CEP44: variants seen among roughly 807,000 people sequenced by gnomAD.
CEP44 encodes centrosomal protein of 44 kDa.
Under a neutral mutation model 46.7 loss-of-function variants are expected in CEP44, and 45 were observed. That is an observed-to-expected ratio of 0.96 (90% CI 0.76 to 1.24). The LOEUF (loss-of-function observed/expected upper bound fraction) is 1.24, where lower values mean the gene tolerates loss of function less well. Among genes scored for constraint, CEP44 ranks in the 50% most tolerant of loss-of-function variants. CEP44 has a pLI of 0.00. For missense variants in CEP44, 475 were observed against 459.7 expected, an observed-to-expected ratio of 1.03 and a Z score of -0.30; for synonymous variants, 142 against 146.0, an observed-to-expected ratio of 0.97 and a Z score of 0.20.
At chr4:174,320,603 G>C (rs1022559289), downstream of CEP44, among the ~76,000 whole-genome samples, 2 of 50,370 alleles carry the variant, frequency 4.0e-5, no homozygotes, top group South Asian at 5.8e-4. Flanking sequence ...GATGGTTTAC[G>C]CAAAAGGACT....
At position 174,297,319 on chromosome 4, in the gene CEP44, C is replaced by A. The variant is rs553094571; in HGVS notation, c.-147-647C>A. Among the ~76,000 whole-genome samples the A allele has an allele frequency of 2.0e-5, 3 of 151,394 alleles. No individual in the cohort carries two copies. The highest frequency in any genetic ancestry group is 7.3e-5 in the African/African-American group (3 of 41,218). On this transcript the variant is annotated intron_variant, in intron 1 of 11. Transcript: ENST00000503780. This position sits in a 1 kb window ranked among gnomAD's most constrained non-coding sequence, Gnocchi z 4.3. ...TCTCTATTTCCACCAAATTTTTCTTCTCTGCTTATTTTGTTTAAGGTATTT... is the reference window on the plus strand; with the variant it reads ...TCTCTATTTCCACCAAATTTTTCTTATCTGCTTATTTTGTTTAAGGTATTT...
chr4:174,320,684 C>CTGTGTGTGTGTGTGTGTGTGTGTA (rs34832692), downstream of CEP44, among the ~76,000 whole-genome samples: 1 of 147,530 alleles, frequency 6.8e-6, no homozygotes, highest in African/African-American at 2.5e-5. Flanking sequence ...TGAGTGTGCT[C>CTGTGTGTGTGTGTGTGTGTGTGTA]TGTGTGTGTG....
rs912819762 is a variant in CEP44, at chr4:174,309,880, C to T, written c.709C>T (p.Leu237=). ...AAATGTTAATCCTGAGATTACTGCA[C>T]TACAAACTATGCTTGCTGAATGCCA... is the stretch of plus-strand genomic sequence containing the variant. ...DVNVNPEITA[L]QTMLAECQEN... The change falls in exon 8 of 12, where the codon CTA becomes TTA. Residue 237 remains leucine, a synonymous_variant. Transcript: ENST00000503780. This position sits in a 1 kb window ranked among gnomAD's most constrained non-coding sequence, Gnocchi z 5.3. The T allele has an allele frequency of 1.9e-6, 3 of 1,610,948 alleles. No homozygotes were observed. Among genetic ancestry groups the T allele is most frequent in the Non-Finnish European group, 2.5e-6 (3 of 1,177,842 alleles).
intron 9 of CEP44, among the ~76,000 whole-genome samples, chr4:174,315,722 T>C (rs1359173573): frequency 6.6e-6 from 1 of 151,678 alleles, no homozygotes. Context: ...GCGCCTGTAG[T>C]CCCAGCTACT....
rs865806819 is a variant in CEP44, at chr4:174,295,034, C to T, written c.-147-2932C>T. ...GACGGCTGGCCAGGCGGGGGGCTGA[C>T]CCCCCCACCTCCCTCCCGGACGGGG... On this transcript the variant is annotated intron_variant, in intron 1 of 11. Transcript: ENST00000503780. Among the ~76,000 whole-genome samples the T allele has an allele frequency of 3.0e-4, 40 of 134,786 alleles. No individual in the cohort carries two copies. In the East Asian group the frequency reaches 7.2e-3, roughly 24 times the overall value. 88.4% of individuals were successfully genotyped at this position (134,786 alleles called of 152,430 possible). A position where few individuals can be genotyped will look rare whatever the true frequency, so the allele number is the denominator to read the frequency against.
downstream of CEP44, among the ~76,000 whole-genome samples, chr4:174,322,937 G>T (rs1742415486): frequency 6.6e-6 from 1 of 152,022 alleles, no homozygotes; most frequent in African/African-American, 2.4e-5. Flanking sequence ...ATATTTTTGA[G>T]CCTAAATGTG....
chr4:174,316,635 A>G, intron 11 of CEP44, 68 bp downstream of exon 11: 1 of 1,402,766 alleles, frequency 7.1e-7, no homozygotes, highest in East Asian at 2.4e-5. Context: ...TACAGTATAT[A>G]TAGAATGTGC....
In CEP44 at chr4:174,308,686, CAGA is replaced by C; in HGVS notation, c.510_512del (p.Lys171del). On this transcript the variant is annotated splice_acceptor_variant and coding_sequence_variant, in exon 7 of 12. Transcript: ENST00000503780. LOFTEE classifies it high-confidence loss of function. Reference sequence around the variant, plus strand: ...TGTTTCTTACATATTTTTCTCTATGCAGAAGAAAGCTGTGGTGATTCGTCACTT... The same window carrying C: ...TGTTTCTTACATATTTTTCTCTATGCAGAAAGCTGTGGTGATTCGTCACTT... 6.3e-7 allele frequency: 1 copy of C among 1,592,462 alleles called. No homozygotes were observed. The highest frequency in any genetic ancestry group is 8.6e-7 in the Non-Finnish European group (1 of 1,167,814).
In CEP44 at chr4:174,326,252, G is replaced by A. The variant is rs1742662018; in HGVS notation, c.1087-5230G>A. 6.6e-6 allele frequency among the ~76,000 whole-genome samples: 1 copy of A among 151,376 alleles called. No individual in the cohort carries two copies. The highest frequency in any genetic ancestry group is 6.6e-5 in the Admixed American group (1 of 15,132). On this transcript the variant is annotated intron_variant, in intron 8 of 8. Coordinates refer to the CEP44 transcript ENST00000426172. The surrounding 1 kb of genome is among the most constrained non-coding windows in gnomAD (Gnocchi z 4.8). ...TGTGTGTGTGTCTGTGTGTGTGTCT[G>A]TGTGTTTGCTCCAAGATTTGTAGTA...
In CEP44 at chr4:174,288,168, C is replaced by A. The variant is rs1737772022; in HGVS notation, c.-148+4225C>A. On this transcript the variant is annotated intron_variant, in intron 1 of 11. Coordinates refer to ENST00000503780, the MANE Select transcript of CEP44 (RefSeq NM_001040157.3). The surrounding 1 kb of genome is among the most constrained non-coding windows in gnomAD (Gnocchi z 4.6). The stretch of plus-strand genomic sequence containing the variant: ...GAAAGCTATAGACATTTAATGTATA[C>A]AGTTTCTGTTTGGAGATAAGTAGAT... 6.6e-6 allele frequency among the ~76,000 whole-genome samples: 1 copy of A among 152,128 alleles called. No individual in the cohort carries two copies. Among genetic ancestry groups the A allele is most frequent in the South Asian group, 2.1e-4 (1 of 4,830 alleles).
At chr4:174,304,973 T>G (rs1350197601) in intron 6 of CEP44, among the ~76,000 whole-genome samples, 1 of 152,206 alleles carries the variant, frequency 6.6e-6, no homozygotes, top group African/African-American at 2.4e-5. Context: ...AAAATATTAT[T>G]TATTAATATA....
chr4:174,312,662 C>G lies in CEP44; in HGVS notation c.961+1804C>G, dbSNP rs1482969754. On this transcript the variant is annotated intron_variant, in intron 9 of 11. Transcript: ENST00000503780. This position sits in a 1 kb window ranked among gnomAD's most constrained non-coding sequence, Gnocchi z 4.5. ...CTGAAAGTAATTAACAGGCCTCTATCTGAAATGGATTACAGATTATGATTA... is the reference window on the plus strand; with the variant it reads ...CTGAAAGTAATTAACAGGCCTCTATGTGAAATGGATTACAGATTATGATTA... Among the ~76,000 whole-genome samples the G allele has an allele frequency of 6.6e-6, 1 of 152,104 alleles. No homozygotes were observed. Among genetic ancestry groups the G allele is most frequent in the Non-Finnish European group, 1.5e-5 (1 of 68,018 alleles).
At position 174,310,667 on chromosome 4, in the gene CEP44, A is replaced by G; in HGVS notation, c.886-116A>G. The stretch of plus-strand genomic sequence containing the variant: ...ATATGTATTGCTTTAATAAAAAATT[A>G]AAAATATTTAAACATTTATCATGCT... On this transcript the variant is annotated intron_variant, in intron 8 of 11. Transcript: ENST00000503780. The surrounding 1 kb of genome is among the most constrained non-coding windows in gnomAD (Gnocchi z 4.2). 1.7e-6 allele frequency: 1 copy of G among 595,200 alleles called. No homozygotes were observed. Among genetic ancestry groups the G allele is most frequent in the South Asian group, 2.2e-5 (1 of 45,836 alleles). The allele number at this position is 595,200 out of a possible 1,614,324, so 36.9% of individuals were successfully genotyped here. A position where few individuals can be genotyped will look rare whatever the true frequency, so the allele number is the denominator to read the frequency against.
rs1284974864 is a variant in CEP44 at position 174,318,330 on chromosome 4, A to G, written c.*947A>G. 9 of 984,964 alleles carry G rather than the reference A, an allele frequency of 9.1e-6. No individual in the cohort carries two copies. In the African/African-American group the frequency reaches 1.6e-4, roughly 17 times the overall value. 61.0% of individuals were successfully genotyped at this position (984,964 alleles called of 1,614,324 possible). On this transcript the variant is annotated 3_prime_UTR_variant, in exon 12 of 12. Transcript: ENST00000503780. ...TGCCTGTCTTGGCCTCCGGCGTAAC[A>G]CTTTTTAAGACCAGTGTAACAGAAA...
In CEP44 at chr4:174,309,305, C is replaced by G. The variant is rs1444446473; in HGVS notation, c.678+446C>G. On this transcript the variant is annotated intron_variant, in intron 7 of 11. Transcript: ENST00000503780. This position sits in a 1 kb window ranked among gnomAD's most constrained non-coding sequence, Gnocchi z 5.3. The stretch of plus-strand genomic sequence containing the variant: ...TCTATTACTCTTAATTGCCACAGAC[C>G]CCAATATGTCTGATCTCTACTGTTT... Among the ~76,000 whole-genome samples, 1 of 151,940 alleles carries G rather than the reference C, an allele frequency of 6.6e-6. No homozygotes were observed. Among genetic ancestry groups the G allele is most frequent in the Non-Finnish European group, 1.5e-5 (1 of 67,936 alleles).
At chr4:174,322,964 AAGGTG>A (rs1260574029), downstream of CEP44, among the ~76,000 whole-genome samples, 1 of 152,132 alleles carries the variant, frequency 6.6e-6, no homozygotes, top group Non-Finnish European at 1.5e-5. Flanking sequence ...TCCTAATAAA[AAGGTG>A]AGGAAATTTA....
rs980856767 is a variant in CEP44 at position 174,297,090 on chromosome 4, T to G, written c.-147-876T>G. 3.9e-5 allele frequency among the ~76,000 whole-genome samples: 6 copies of G among 152,178 alleles called. No homozygotes were observed. The highest frequency in any genetic ancestry group is 1.4e-4 in the African/African-American group (6 of 41,448). On this transcript the variant is annotated intron_variant, in intron 1 of 11. Coordinates refer to ENST00000503780, the MANE Select transcript of CEP44 (RefSeq NM_001040157.3). This position sits in a 1 kb window ranked among gnomAD's most constrained non-coding sequence, Gnocchi z 4.3. ...ATATTTTTCCCTATCCATTTACTTT[T>G]AATCTTATAAACAAAATGGATTTCT...
intron 4 of CEP44, among the ~76,000 whole-genome samples, chr4:174,303,018 G>A (rs1579108571): frequency 6.6e-6 from 1 of 152,180 alleles, no homozygotes; most frequent in Non-Finnish European, 1.5e-5. Flanking sequence ...CTGACCTTGT[G>A]CTCTGCCCAC....
chr4:174,322,089 G>T (rs140411883), downstream of CEP44, among the ~76,000 whole-genome samples: 189 of 152,140 alleles, frequency 1.2e-3, 2 homozygotes, highest in East Asian at 0.033. Context: ...CACAGCTGAG[G>T]ACTTTTAAAT....
Sources: gnomAD v4.1 joint callset for allele counts (sites outside exome capture counted in the v4.1 genomes callset) on GRCh38, gnomAD v4.1.1 for gene constraint, Gnocchi (gnomAD v3.1) non-coding constraint, MANE v1.5 for transcripts, NCBI Gene and HGNC (gene_info 2026-07-23, HGNC 2026-07-21) for gene names.